Variants in NINL observed in about 807,000 individuals in gnomAD.
NINL encodes the protein ninein like, also known as ninein-like protein.
A neutral mutation model predicts 160.3 loss-of-function variants in NINL; 153 were observed. The ratio of observed to expected loss-of-function variants is 0.95; its 90% confidence interval spans 0.84 to 1.09. The LOEUF (loss-of-function observed/expected upper bound fraction) is 1.09. NINL is among the 50% of genes least tolerant of loss of function. The pLI is 0.00. For synonymous variants in NINL, 800 were observed against 734.8 expected (o/e 1.09, Z -1.43); for missense variants, 1,829 against 1,764.0 (o/e 1.04, Z -0.66).
At chr20:25,455,473 G>T (rs947686872) in intron 23 of NINL, among the ~76,000 whole-genome samples, 200 bp downstream of exon 23, 1 of 152,198 alleles carries the variant, frequency 6.6e-6, no homozygotes, top group Non-Finnish European at 1.5e-5. Context: ...GAGTGTATGT[G>T]AACACCCAAA....
rs137888228 is a variant in NINL at position 25,494,962 on chromosome 20, C to T, written c.1310+1701G>A. ...TGGGTGTCAGCTTCACACACGCACGCTCACTGCTGCGGGACTGGGCCAGTT... is the reference window on the plus strand; with the variant it reads ...TGGGTGTCAGCTTCACACACGCACGTTCACTGCTGCGGGACTGGGCCAGTT... On this transcript the variant is annotated intron_variant, in intron 10 of 23. Transcript: ENST00000278886. Among the ~76,000 whole-genome samples, 272 of 152,344 alleles carry T rather than the reference C, an allele frequency of 1.8e-3. 1 individual carries two copies. The highest frequency in any genetic ancestry group is 6.3e-3 in the African/African-American group (264 of 41,580).
intron 1 of NINL, among the ~76,000 whole-genome samples, chr20:25,537,312 G>T (rs1357820920): frequency 6.6e-6 from 1 of 152,146 alleles, no homozygotes; most frequent in East Asian, 1.9e-4. Context: ...CAAACTCCTG[G>T]GCTCAAGTGA....
chr20:25,536,159 A>G (rs1426569385), intron 1 of NINL, among the ~76,000 whole-genome samples: 1 of 152,174 alleles, frequency 6.6e-6, no homozygotes, highest in Non-Finnish European at 1.5e-5. Flanking sequence ...CACCTACCCA[A>G]GAGACTATAT....
At chr20:25,510,008 C>T (rs974588362) in intron 5 of NINL, among the ~76,000 whole-genome samples, 1 of 152,232 alleles carries the variant, frequency 6.6e-6, no homozygotes, top group African/African-American at 2.4e-5. Flanking sequence ...GCTGAAGTCT[C>T]AATCATGCTC....
chr20:25,507,406 G>A (rs1179263358), intron 5 of NINL, among the ~76,000 whole-genome samples: 1 of 152,104 alleles, frequency 6.6e-6, no homozygotes, highest in African/African-American at 2.4e-5. Flanking sequence ...TTGAAGCTGT[G>A]GAAACAGCTT....
intron 1 of NINL, among the ~76,000 whole-genome samples, chr20:25,583,067 C>A (rs143201590): frequency 6.6e-6 from 1 of 152,314 alleles, no homozygotes; most frequent in African/African-American, 2.4e-5. Flanking sequence ...AGGACATAGG[C>A]ATGGGCAAAG....
At chr20:25,510,501 T>A (rs1316362422) in intron 5 of NINL, among the ~76,000 whole-genome samples, 173 bp downstream of exon 5, 1 of 152,214 alleles carries the variant, frequency 6.6e-6, no homozygotes, top group East Asian at 1.9e-4. Flanking sequence ...ACTGCTGTGA[T>A]GATGACATTC....
intron 9 of NINL, among the ~76,000 whole-genome samples, chr20:25,497,012 C>T (rs1431760094): frequency 1.3e-5 from 2 of 152,182 alleles, no homozygotes; most frequent in African/African-American, 2.4e-5. Context: ...AGAGGGGCCA[C>T]GTGACTTGGC....
chr20:25,531,686 G>T (rs1381179302), intron 1 of NINL, among the ~76,000 whole-genome samples: 4 of 152,170 alleles, frequency 2.6e-5, no homozygotes, highest in Non-Finnish European at 5.9e-5. Flanking sequence ...GCTCTGAAAG[G>T]TATGAACCAA....
At chr20:25,478,897 G>A in intron 16 of NINL, 26 bp downstream of exon 16, 1 of 1,488,794 alleles carries the variant, frequency 6.7e-7, no homozygotes, top group Non-Finnish European at 8.9e-7. Flanking sequence ...CCCCAGACTT[G>A]AAATCTCAAA....
intron 2 of NINL, among the ~76,000 whole-genome samples, chr20:25,521,318 A>G (rs1425169374): frequency 3.3e-5 from 5 of 152,160 alleles, no homozygotes; most frequent in Non-Finnish European, 7.3e-5. Context: ...CACTTTTCAG[A>G]GTTCTTTTAG....
intron 1 of NINL, among the ~76,000 whole-genome samples, chr20:25,555,011 G>A (rs569115665): frequency 2.0e-5 from 3 of 152,040 alleles, no homozygotes; most frequent in Admixed American, 6.6e-5. Flanking sequence ...TTCCTCTACA[G>A]AGAAATAGCC....
chr20:25,513,078 C>A, intron 3 of NINL, 72 bp from the exon 4 acceptor site: 10 of 1,487,150 alleles, frequency 6.7e-6, no homozygotes, highest in Non-Finnish European at 8.2e-6. Flanking sequence ...CAGCAGGTAC[C>A]CTCTGAGAAG....
intron 1 of NINL, among the ~76,000 whole-genome samples, chr20:25,576,080 T>G (rs369934288): frequency 2.0e-5 from 3 of 152,346 alleles, no homozygotes; most frequent in African/African-American, 7.2e-5. Context: ...TCAAATTCTG[T>G]CCATGGTGCC....
At chr20:25,544,197 G>C (rs2064706098) in intron 1 of NINL, among the ~76,000 whole-genome samples, 1 of 149,532 alleles carries the variant, frequency 6.7e-6, no homozygotes, top group South Asian at 2.1e-4. Context: ...TTGACGCGTG[G>C]AATCTGGACG....
chr20:25,505,897 G>A (rs900602071), intron 5 of NINL, among the ~76,000 whole-genome samples: 2 of 152,200 alleles, frequency 1.3e-5, no homozygotes, highest in East Asian at 1.9e-4. Context: ...AATCTTGGGG[G>A]AAAATATCTG....
In NINL at chr20:25,520,111, T is replaced by C. The variant is rs140404809; in HGVS notation, c.181-2262A>G. On this transcript the variant is annotated intron_variant, in intron 2 of 23. Transcript: ENST00000278886. ...CTGATGTTGGTGTCCAGGCAGTGGT[T>C]GACCTTTGGTAGTAGAGGAACCAAA... Among the ~76,000 whole-genome samples the C allele has an allele frequency of 2.4e-3, 369 of 151,386 alleles. 2 individuals are homozygous for C. Among genetic ancestry groups the C allele is most frequent in the South Asian group, 0.015 (74 of 4,776 alleles).
chr20:25,498,246 G>A lies in NINL; in HGVS notation c.1133C>T (p.Ala378Val), dbSNP rs1351587928. Residue 378 changes from alanine (A) to valine (V), a missense_variant, in exon 9 of 24, where the codon GCC becomes GTC. By Grantham distance (64) the Ala-to-Val change is moderately conservative. Transcript: ENST00000278886. ...MTVDSAVQQA[A>V]LACYHQELSY... ...CAGCTCCTGGTGGTAGCAGGCCAGG[G>A]CTGCCTGCTGGACGGCACTGTCCAC... 4 of 1,613,094 alleles carry A rather than the reference G, an allele frequency of 2.5e-6. No individual in the cohort carries two copies. Among genetic ancestry groups the A allele is most frequent in the Non-Finnish European group, 3.4e-6 (4 of 1,180,006 alleles).
chr20:25,492,046 C>CTGTTG (rs1216985206), intron 10 of NINL, among the ~76,000 whole-genome samples: 4 of 152,168 alleles, frequency 2.6e-5, no homozygotes, highest in Non-Finnish European at 4.4e-5. Context: ...CAGTGTTCAA[C>CTGTTG]GCTCAGTCTC....
Sources: gnomAD v4.1 joint callset for allele counts (sites outside exome capture counted in the v4.1 genomes callset) on GRCh38, gnomAD v4.1.1 for gene constraint, MANE v1.5 for transcripts, NCBI Gene and HGNC (gene_info 2026-07-23, HGNC 2026-07-21) for gene names.